The following PRKG1 variants were observed in gnomAD, a reference collection of about 807,000 sequenced individuals.
The protein encoded by PRKG1 is protein kinase cGMP-dependent 1.
In PRKG1, 35 loss-of-function variants were observed where a neutral mutation model predicts 88.1. The ratio of observed to expected loss-of-function variants is 0.40; its 90% CI spans 0.30 to 0.53. The LOEUF is 0.53. PRKG1 is among the 20% of genes least tolerant of loss of function. The pLI is 0.59. For missense variants in PRKG1, 540 were observed against 839.8 expected, an observed-to-expected ratio of 0.64 and a Z score of 4.41; for synonymous variants, 303 against 292.5, an observed-to-expected ratio of 1.04 and a Z score of -0.37.
At chr10:52,240,747 A>G (rs1019977164) in intron 9 of PRKG1, among the ~76,000 whole-genome samples, 2 of 152,138 alleles carry the variant, frequency 1.3e-5, no homozygotes, top group African/African-American at 2.4e-5. Context: ...AGTAATTTCT[A>G]TACTAAGAAT....
intron 5 of PRKG1, among the ~76,000 whole-genome samples, chr10:51,923,996 T>G (rs1842519024): frequency 6.6e-6 from 1 of 151,968 alleles, no homozygotes; most frequent in Admixed American, 6.6e-5. Flanking sequence ...CCCAGCTAAT[T>G]TTTAAATTTT....
chr10:51,415,497 T>C (rs1238589239), intron 2 of PRKG1, among the ~76,000 whole-genome samples: 1 of 152,172 alleles, frequency 6.6e-6, no homozygotes, highest in Non-Finnish European at 1.5e-5. Context: ...TTAGTTATAT[T>C]GACTTTTTCT....
chr10:51,883,463 T>C (rs1382387514), intron 4 of PRKG1, among the ~76,000 whole-genome samples: 1 of 152,238 alleles, frequency 6.6e-6, no homozygotes, highest in Admixed American at 6.5e-5. Context: ...ATATTTTCTG[T>C]AAATTAAGCA....
At chr10:51,711,522 T>G (rs1396320906) in intron 3 of PRKG1, among the ~76,000 whole-genome samples, 1 of 152,226 alleles carries the variant, frequency 6.6e-6, no homozygotes, top group Non-Finnish European at 1.5e-5. Context: ...TATAAGTGTG[T>G]ATGCTTCCTG....
chr10:52,125,028 C>T (rs1286024846), intron 7 of PRKG1, among the ~76,000 whole-genome samples: 5 of 151,994 alleles, frequency 3.3e-5, no homozygotes, highest in Admixed American at 2.6e-4. Flanking sequence ...ATATTAAGCC[C>T]TTTTCTTTTT....
intron 1 of PRKG1, among the ~76,000 whole-genome samples, chr10:51,094,024 G>A (rs1272032925): frequency 6.6e-6 from 1 of 151,730 alleles, no homozygotes; most frequent in Non-Finnish European, 1.5e-5. Flanking sequence ...CCAGGCTTTA[G>A]ACCCCAGAAT....
At chr10:52,224,190 C>T (rs1207614823) in intron 9 of PRKG1, among the ~76,000 whole-genome samples, 1 of 152,016 alleles carries the variant, frequency 6.6e-6, no homozygotes, top group Non-Finnish European at 1.5e-5. Flanking sequence ...GCTTCCTCTT[C>T]TCCTCTGCCT....
intron 9 of PRKG1, chr10:52,231,127 G>C (rs1008987509): frequency 6.6e-6 from 1 of 152,216 alleles, no homozygotes; most frequent in African/African-American, 2.4e-5. Flanking sequence ...GCTGGGTGTG[G>C]TGGCTCACAC....
At chr10:51,641,143 T>TA (rs981626984) in intron 3 of PRKG1, among the ~76,000 whole-genome samples, 3 of 151,890 alleles carry the variant, frequency 2.0e-5, no homozygotes, top group Admixed American at 2.0e-4. Context: ...CTTCCAAGAT[T>TA]AAAAAAAATT....
rs191196471 is a variant in PRKG1 at position 51,086,049 on chromosome 10, A to G, written c.311+11148A>G. On this transcript the variant is annotated intron_variant, in intron 1 of 17. Coordinates refer to ENST00000373980, the MANE Select transcript of PRKG1 (RefSeq NM_006258.4). ...TCCAGATGTTTTACCATTACTTAGT[A>G]TGGAAACCTATATTCTCTTGTTGGA... Among the ~76,000 whole-genome samples, 12 of 152,308 alleles carry G rather than the reference A, an allele frequency of 7.9e-5. No homozygotes were observed. In the East Asian group the frequency reaches 2.1e-3, roughly 27 times the overall value.
intron 2 of PRKG1, among the ~76,000 whole-genome samples, chr10:51,341,967 C>T (rs939749439): frequency 2.0e-5 from 3 of 152,216 alleles, no homozygotes; most frequent in African/African-American, 7.2e-5. Flanking sequence ...GAAACCTCCC[C>T]CATGAGGTTT....
chr10:51,871,799 A>G (rs1204661703), intron 4 of PRKG1, among the ~76,000 whole-genome samples: 1 of 152,166 alleles, frequency 6.6e-6, no homozygotes, highest in Non-Finnish European at 1.5e-5. Context: ...CCGCAGGCAC[A>G]TGTGGCTTAT....
intron 1 of PRKG1, among the ~76,000 whole-genome samples, chr10:51,140,947 T>C (rs1845806357): frequency 6.6e-6 from 1 of 152,244 alleles, no homozygotes; most frequent in African/African-American, 2.4e-5. Context: ...GCCCTCTGAA[T>C]TCTTTTGTTC....
At chr10:52,265,598 T>C (rs1841552952) in intron 10 of PRKG1, among the ~76,000 whole-genome samples, 1 of 152,046 alleles carries the variant, frequency 6.6e-6, no homozygotes, top group Admixed American at 6.6e-5. Flanking sequence ...GGCAAAAAAT[T>C]GGGTCCAGTA....
At chr10:51,845,564 GA>G (rs1214149541) in intron 4 of PRKG1, among the ~76,000 whole-genome samples, 1 of 152,070 alleles carries the variant, frequency 6.6e-6, no homozygotes, top group Admixed American at 6.6e-5. Context: ...TTGGTATGAA[GA>G]TGAAATAAAC....
At chr10:51,649,181 T>A (rs1839982658) in intron 3 of PRKG1, among the ~76,000 whole-genome samples, 1 of 152,168 alleles carries the variant, frequency 6.6e-6, no homozygotes, top group Non-Finnish European at 1.5e-5. Context: ...TAGATAGTCA[T>A]AGAAAATAGG....
At chr10:51,300,880 G>A (rs1290242225) in intron 2 of PRKG1, among the ~76,000 whole-genome samples, 12 of 152,176 alleles carry the variant, frequency 7.9e-5, no homozygotes, top group Non-Finnish European at 1.8e-4. Context: ...GACTTAATTA[G>A]CAGCAGCCTG....
intron 1 of PRKG1, among the ~76,000 whole-genome samples, chr10:51,078,881 G>T (rs1844036781): frequency 6.6e-6 from 1 of 152,086 alleles, no homozygotes; most frequent in African/African-American, 2.4e-5. Context: ...CTCCCAAAAT[G>T]CTGGGATTAC....
chr10:51,714,540 G>C (rs1736876217), intron 3 of PRKG1, among the ~76,000 whole-genome samples: 1 of 152,212 alleles, frequency 6.6e-6, no homozygotes, highest in African/African-American at 2.4e-5. Flanking sequence ...TTGAAAGATA[G>C]AAGGAAGAGA....
Sources: allele counts gnomAD v4.1 joint callset (sites outside exome capture counted in the v4.1 genomes callset), GRCh38; gene constraint gnomAD v4.1.1; transcripts MANE v1.5; gene names NCBI Gene and HGNC (gene_info 2026-07-23, HGNC 2026-07-21).